SLC6A12: variants seen among roughly 807,000 people sequenced by gnomAD.
The protein encoded by SLC6A12 is sodium- and chloride-dependent betaine transporter.
Under a neutral mutation model 73.3 loss-of-function variants are expected in SLC6A12, and 50 were observed. The ratio of observed to expected loss-of-function variants is 0.68; its 90% confidence interval spans 0.54 to 0.86. SLC6A12 has a LOEUF of 0.86. Ranked by LOEUF, SLC6A12 falls within the 40% of genes least tolerant of loss-of-function variation. The pLI is 0.00. For synonymous variants in SLC6A12, 304 were observed against 309.2 expected (o/e 0.98, Z 0.18); for missense variants, 648 against 772.8 (o/e 0.84, Z 1.92).
At chr12:188,428 C>T (rs1424774760), downstream of SLC6A12, among the ~76,000 whole-genome samples, 31 of 152,008 alleles carry the variant, frequency 2.0e-4, no homozygotes, top group Admixed American at 2.0e-3. Context: ...AAGCGCCGCG[C>T]GCAGCCCCGC....
Position 191,176 on chromosome 12 carries a change from C to T in SLC6A12, c.1737G>A (p.Leu579=), listed in dbSNP as rs1213080603. 7.7e-7 allele frequency: 1 copy of T among 1,296,120 alleles called. No individual in the cohort carries two copies. The highest frequency in any genetic ancestry group is 9.9e-7 in the Non-Finnish European group (1 of 1,010,528). The allele number at this position is 1,296,120 out of a possible 1,614,324, so 80.3% of individuals were successfully genotyped here. ...LRQLITPDSS[L]PQPKQHPCLD... is the part of the protein sequence containing the mutation. ...AGCAGGGATGTTGCTTGGGCTGTGGCAGACTGGAGTCAGGGGTGATGAGCT... is the reference window on the plus strand; with the variant it reads ...AGCAGGGATGTTGCTTGGGCTGTGGTAGACTGGAGTCAGGGGTGATGAGCT... Residue 579 remains leucine, a synonymous_variant, in exon 16 of 16, where the codon CTG becomes CTA. Coordinates refer to ENST00000684302, the MANE Select transcript of SLC6A12 (RefSeq NM_001122848.3).
chr12:200,598 C>T (rs1202080359), intron 7 of SLC6A12, 53 bp downstream of exon 7: 4 of 1,587,874 alleles, frequency 2.5e-6, no homozygotes, highest in African/African-American at 2.7e-5. Flanking sequence ...CCTCAAGTGT[C>T]CCCGTAGACT....
At chr12:201,399 A>T in intron 6 of SLC6A12, 1 of 248,948 alleles carries the variant, frequency 4.0e-6, no homozygotes, top group Non-Finnish European at 7.9e-6. Context: ...GGCAATTTCA[A>T]GCTACTGGCA....
At position 192,481 on chromosome 12, in the gene SLC6A12, C is replaced by T; in HGVS notation, c.1698G>A (p.Arg566=). The change falls in exon 15 of 16, where the codon AGG becomes AGA. Residue 566 remains arginine, a synonymous_variant. Transcript: ENST00000684302. ...CACTCTCCCCTACACCACCTACCTT[C>T]CTGAAAGGACCCCGAGTCTTCAGGA... is the stretch of plus-strand genomic sequence containing the variant. The part of the protein sequence containing the change: ...ITLLKTRGPF[R]KRLRQLITPD... The T allele has an allele frequency of 3.7e-6, 6 of 1,613,952 alleles. No individual in the cohort carries two copies. The highest frequency in any genetic ancestry group is 5.1e-6 in the Non-Finnish European group (6 of 1,179,904).
At chr12:197,877 A>T in intron 9 of SLC6A12, 23 bp downstream of exon 9, 1 of 909,108 alleles carries the variant, frequency 1.1e-6, no homozygotes, top group Non-Finnish European at 1.6e-6. Flanking sequence ...CCTTCACCCC[A>T]CCCCGGCCCA....
In SLC6A12 at chr12:191,035, C is replaced by T. The variant is rs375326708; in HGVS notation, c.*33G>A. 31 of 1,292,776 alleles carry T rather than the reference C, an allele frequency of 2.4e-5. No homozygotes were observed. In the South Asian group the frequency reaches 6.2e-4, roughly 26 times the overall value. The allele number at this position is 1,292,776 out of a possible 1,614,324, so 80.1% of individuals were successfully genotyped here. A position where few individuals can be genotyped will look rare whatever the true frequency, so the allele number is the denominator to read the frequency against. ...GGAGGGTGGCCCTGACCTAGGTTCCCGGCTTAGGAGCCGCCTGGCCTCTGG... is the reference window on the plus strand; with the variant it reads ...GGAGGGTGGCCCTGACCTAGGTTCCTGGCTTAGGAGCCGCCTGGCCTCTGG... On this transcript the variant is annotated 3_prime_UTR_variant, in exon 16 of 16. Coordinates refer to ENST00000684302, the MANE Select transcript of SLC6A12 (RefSeq NM_001122848.3).
chr12:212,638 G>A (rs1162306170), intron 1 of SLC6A12, among the ~76,000 whole-genome samples: 13 of 152,334 alleles, frequency 8.5e-5, no homozygotes, highest in Admixed American at 5.2e-4. Flanking sequence ...GCCCCGAGCC[G>A]TGGTAACTCA....
chr12:197,134 C>CATCTATCCATCCATCCATCCATCCATCT (rs1359037447), intron 10 of SLC6A12, among the ~76,000 whole-genome samples: 1 of 101,592 alleles, frequency 9.8e-6, no homozygotes. Context: ...TCCATCCATC[C>CATCTATCCATCCATCCATCCATCCATCT]ATCCATCCAT....
At chr12:197,600 G>T in intron 9 of SLC6A12, 99 bp from the exon 10 acceptor site, 1 of 1,291,534 alleles carries the variant, frequency 7.7e-7, no homozygotes, top group South Asian at 1.6e-5. Context: ...AGTGAGAGGG[G>T]ACCAAGGAGA....
At chr12:202,927 T>C in intron 4 of SLC6A12, 47 bp from the exon 5 acceptor site, 1 of 1,584,712 alleles carries the variant, frequency 6.3e-7, no homozygotes, top group Non-Finnish European at 8.6e-7. Flanking sequence ...AGATCAATGT[T>C]AGCAAAAAAG....
At chr12:200,322 A>C (rs369737434) in intron 7 of SLC6A12, among the ~76,000 whole-genome samples, 11 of 151,648 alleles carry the variant, frequency 7.3e-5, no homozygotes, top group Admixed American at 2.6e-4. Context: ...GTTAGCCAGG[A>C]TGGTCTCGAT....
chr12:193,054 G>T, intron 14 of SLC6A12: 1 of 545,230 alleles, frequency 1.8e-6, no homozygotes, highest in South Asian at 2.4e-5. Flanking sequence ...TGTGAGGAAG[G>T]GATGGAGCCG....
intron 11 of SLC6A12, 30 bp downstream of exon 11, chr12:196,740 G>C (rs752261038): frequency 6.6e-7 from 1 of 1,512,802 alleles, no homozygotes; most frequent in South Asian, 1.1e-5. Flanking sequence ...GGGTCACCAC[G>C]GCAGGGCAGG....
At chr12:207,081 T>C (rs552796048) in intron 3 of SLC6A12, among the ~76,000 whole-genome samples, 1 of 152,364 alleles carries the variant, frequency 6.6e-6, no homozygotes, top group East Asian at 1.9e-4. Context: ...AGGTTGTTTC[T>C]GGAGCGCGTT....
At chr12:209,656 T>C in intron 3 of SLC6A12, 117 bp downstream of exon 3, 1 of 1,116,392 alleles carries the variant, frequency 9.0e-7, no homozygotes, top group Non-Finnish European at 1.3e-6. Context: ...AGTCCTCCAA[T>C]TCCAAAATAG....
chr12:187,620 AAAAAAAAAAAAC>A (rs1939458405), downstream of SLC6A12, among the ~76,000 whole-genome samples: 12 of 35,008 alleles, frequency 3.4e-4, no homozygotes, highest in South Asian at 7.6e-4. Flanking sequence ...AAAAAAAAAA[AAAAAAAAAAAAC>A]AAACCACACA....
chr12:186,663 T>C (rs941041389), downstream of SLC6A12, among the ~76,000 whole-genome samples: 7 of 152,234 alleles, frequency 4.6e-5, no homozygotes, highest in Admixed American at 1.3e-4. Flanking sequence ...TGGGCCTCTC[T>C]ATTGGGCCAA....
At chr12:209,722 A>G in intron 3 of SLC6A12, 51 bp downstream of exon 3, 2 of 1,605,976 alleles carry the variant, frequency 1.2e-6, no homozygotes, top group South Asian at 1.1e-5. Flanking sequence ...GGCACTGCCC[A>G]GCTGCCAGCA....
At chr12:201,919 G>T in intron 5 of SLC6A12, 70 bp from the exon 6 acceptor site, 1 of 1,357,216 alleles carries the variant, frequency 7.4e-7, no homozygotes, top group Non-Finnish European at 1.1e-6. Context: ...TGGCCCTCTG[G>T]CCTTGCAGCC....
Sources: allele counts gnomAD v4.1 joint callset (sites outside exome capture counted in the v4.1 genomes callset), GRCh38; gene constraint gnomAD v4.1.1; transcripts MANE v1.5; gene names NCBI Gene and HGNC (gene_info 2026-07-23, HGNC 2026-07-21).